The following VRK2 variants were observed in gnomAD, a reference collection of about 807,000 sequenced individuals.
The protein encoded by VRK2 is VRK serine/threonine kinase 2, also known as serine/threonine-protein kinase VRK2.
A neutral mutation model predicts 57.6 loss-of-function variants in VRK2; 60 were observed. The observed-to-expected ratio is 1.04, with a 90% CI of 0.85 to 1.29. The LOEUF (loss-of-function observed/expected upper bound fraction) is 1.29. VRK2 is among the 50% of genes most tolerant of loss of function. The probability of loss-of-function intolerance (pLI) is 0.00; values close to 1 mark genes in which losing one functional copy is unlikely to be tolerated. For missense variants in VRK2, 705 were observed against 588.1 expected, an observed-to-expected ratio of 1.20 and a Z score of -2.06; for synonymous variants, 231 against 199.2, an observed-to-expected ratio of 1.16 and a Z score of -1.35.
chr2:58,126,216 C>G (rs1423429439), intron 8 of VRK2, among the ~76,000 whole-genome samples: 1 of 151,494 alleles, frequency 6.6e-6, no homozygotes, highest in African/African-American at 2.4e-5. Flanking sequence ...AGGTCTATTT[C>G]TTGGTCAGGC....
chr2:58,083,672 A>G (rs1671209560), intron 2 of VRK2, among the ~76,000 whole-genome samples: 1 of 151,840 alleles, frequency 6.6e-6, no homozygotes, highest in Non-Finnish European at 1.5e-5. Flanking sequence ...ATGAGTTCTA[A>G]TTTAGTGCAA....
Position 58,084,919 on chromosome 2 carries a change from A to G in VRK2, c.225A>G (p.Lys75=). The G allele has an allele frequency of 6.3e-7, 1 of 1,591,034 alleles. No homozygotes were observed. Among genetic ancestry groups the G allele is most frequent in the East Asian group, 2.3e-5 (1 of 44,094 alleles). ...QENGPLFSEL[K]FYQRVAKKDC... is the part of the protein sequence containing the mutation. ...ATGGCCCGTTATTTTCAGAACTTAA[A>G]TTTTATCAGAGAGTTGCAAAAAAAG... The change falls in exon 4 of 13, where the codon AAA becomes AAG. Residue 75 remains lysine, a synonymous_variant. Coordinates refer to ENST00000340157, the MANE Select transcript of VRK2 (RefSeq NM_006296.7).
intron 1 of VRK2, among the ~76,000 whole-genome samples, chr2:58,014,028 C>T (rs1436655624): frequency 6.6e-6 from 1 of 152,044 alleles, no homozygotes; most frequent in Non-Finnish European, 1.5e-5. Context: ...AGAAATATCA[C>T]CTAAATAATA....
At chr2:58,084,325 C>T (rs1671316897) in intron 3 of VRK2, among the ~76,000 whole-genome samples, 187 bp downstream of exon 3, 1 of 151,724 alleles carries the variant, frequency 6.6e-6, no homozygotes, top group South Asian at 2.1e-4. Flanking sequence ...CCAGCTATTA[C>T]CCTGGTGTGT....
At chr2:58,045,929 T>C (rs1365618498), upstream of VRK2, among the ~76,000 whole-genome samples, 2 of 152,142 alleles carry the variant, frequency 1.3e-5, no homozygotes, top group Admixed American at 6.5e-5. Context: ...CTGCAATCTC[T>C]GCTTCCTGGG....
At chr2:57,920,682 C>T (rs777570991) in intron 1 of VRK2, among the ~76,000 whole-genome samples, 3 of 152,020 alleles carry the variant, frequency 2.0e-5, no homozygotes, top group Non-Finnish European at 4.4e-5. Flanking sequence ...AACATGGGGA[C>T]ACAGTTAGTG....
At chr2:58,047,960 G>A (rs1675112591) in intron 1 of VRK2, among the ~76,000 whole-genome samples, 1 of 152,144 alleles carries the variant, frequency 6.6e-6, no homozygotes, top group African/African-American at 2.4e-5. Context: ...ACTCTTAATA[G>A]TTTTAAATAC....
chr2:58,120,184 CTTTTTTTTTTTTTT>C (rs397868874), intron 7 of VRK2, among the ~76,000 whole-genome samples: 1 of 51,988 alleles, frequency 1.9e-5, no homozygotes, highest in East Asian at 5.7e-4. Flanking sequence ...TTTTTCTTTT[CTTTTTTTTTTTTTT>C]TTTTTTTTTT....
chr2:58,131,657 G>C, intron 8 of VRK2, 151 bp from the exon 9 acceptor site: 1 of 956,054 alleles, frequency 1.0e-6, no homozygotes, highest in Admixed American at 3.4e-5. Flanking sequence ...CCAAATGCTT[G>C]GGCGTTTAAG....
chr2:58,153,032 G>A (rs35844949), intron 12 of VRK2, among the ~76,000 whole-genome samples: 81,966 of 151,660 alleles, frequency 0.54, 22,397 homozygotes, highest in Middle Eastern at 0.59. Flanking sequence ...CCATGACCAC[G>A]TAGGAATTGC....
chr2:58,076,804 G>T (rs1185646670), intron 2 of VRK2, among the ~76,000 whole-genome samples: 1 of 151,488 alleles, frequency 6.6e-6, no homozygotes, highest in East Asian at 1.9e-4. Context: ...GAGAAATCTT[G>T]AATATCACCT....
At chr2:58,073,096 A>G (rs1669584717) in intron 2 of VRK2, among the ~76,000 whole-genome samples, 1 of 152,036 alleles carries the variant, frequency 6.6e-6, no homozygotes, top group African/African-American at 2.4e-5. Context: ...ATTTAGACAT[A>G]TATTGTTTAA....
intron 11 of VRK2, 93 bp from the exon 12 acceptor site, chr2:58,146,223 G>A: frequency 8.7e-7 from 1 of 1,146,276 alleles, no homozygotes; most frequent in Non-Finnish European, 1.2e-6. Flanking sequence ...AGCTTGGCAA[G>A]TTTAGAGCTT....
chr2:57,941,532 G>A (rs1482216628), intron 1 of VRK2, among the ~76,000 whole-genome samples: 1 of 152,152 alleles, frequency 6.6e-6, no homozygotes, highest in Non-Finnish European at 1.5e-5. Flanking sequence ...TCACCTTTCT[G>A]ACACCTTTTC....
chr2:58,027,131 T>C (rs1673954301), intron 2 of VRK2, among the ~76,000 whole-genome samples: 1 of 152,012 alleles, frequency 6.6e-6, no homozygotes, highest in South Asian at 2.1e-4. Context: ...AAACTAAGGG[T>C]GCCCTTCTCT....
At chr2:57,973,100 T>C (rs1278662825) in intron 1 of VRK2, among the ~76,000 whole-genome samples, 1 of 151,878 alleles carries the variant, frequency 6.6e-6, no homozygotes. Context: ...TTGCCAAATT[T>C]TCTTCCATAG....
chr2:57,933,137 T>C (rs1670785260), intron 1 of VRK2, among the ~76,000 whole-genome samples: 1 of 152,004 alleles, frequency 6.6e-6, no homozygotes, highest in Admixed American at 6.6e-5. Flanking sequence ...AAGAAGAATA[T>C]GTATTCTGCT....
chr2:57,950,174 C>T (rs1671381970), intron 1 of VRK2, among the ~76,000 whole-genome samples: 1 of 152,186 alleles, frequency 6.6e-6, no homozygotes, highest in South Asian at 2.1e-4. Flanking sequence ...ATTACTGATA[C>T]AGGATGCTAC....
chr2:57,949,340 C>T (rs1334521874), intron 1 of VRK2, among the ~76,000 whole-genome samples: 1 of 152,120 alleles, frequency 6.6e-6, no homozygotes, highest in East Asian at 1.9e-4. Flanking sequence ...GTAAGTCTAT[C>T]AGGGCCATTT....
Sources: allele counts gnomAD v4.1 joint callset (sites outside exome capture counted in the v4.1 genomes callset), GRCh38; gene constraint gnomAD v4.1.1; transcripts MANE v1.5; gene names NCBI Gene and HGNC (gene_info 2026-07-23, HGNC 2026-07-21).